The following PDE10A variants were observed in gnomAD, a reference collection of about 807,000 sequenced individuals.
PDE10A encodes the protein phosphodiesterase 10A.
A neutral mutation model predicts 97.7 loss-of-function variants in PDE10A; 39 were observed. The observed-to-expected ratio is 0.40, with a 90% CI of 0.31 to 0.52. The LOEUF (loss-of-function observed/expected upper bound fraction) is 0.52. PDE10A is among the 20% of genes least tolerant of loss of function. The pLI, the probability that PDE10A is intolerant of heterozygous loss-of-function variation, is 0.56. For missense variants in PDE10A, 731 were observed against 1,047.8 expected (o/e 0.70, Z 4.17); for synonymous variants, 371 against 376.8 (o/e 0.98, Z 0.18).
rs549099723 is a variant in PDE10A, at chr6:165,408,302, G to C, written c.2076+5199C>G. Among the ~76,000 whole-genome samples, 6 of 152,184 alleles carry C rather than the reference G, an allele frequency of 3.9e-5. No individual in the cohort carries two copies. The South Asian group carries it at 6.2e-4, about 16-fold the overall frequency. ...ACTAATGTATGTTCTCTAGAAAGTA[G>C]AACATTCAGGAAAAGGTAGGGAACC... On this transcript the variant is annotated intron_variant, in intron 13 of 21. Transcript: ENST00000539869.
chr6:165,959,513 C>A (rs1784295701), intron 1 of PDE10A, among the ~76,000 whole-genome samples: 1 of 152,226 alleles, frequency 6.6e-6, no homozygotes, highest in Non-Finnish European at 1.5e-5. Context: ...ATCAGAGATA[C>A]ATGATCATCT....
chr6:165,748,721 A>G (rs1189687269), intron 1 of PDE10A, among the ~76,000 whole-genome samples: 3 of 152,222 alleles, frequency 2.0e-5, no homozygotes, highest in African/African-American at 2.4e-5. Context: ...GCCTCACAGC[A>G]TAAAATCAGG....
chr6:165,585,050 C>T (rs1174535654), intron 1 of PDE10A, among the ~76,000 whole-genome samples: 2 of 152,098 alleles, frequency 1.3e-5, no homozygotes, highest in African/African-American at 4.8e-5. Context: ...TGCTCTTATC[C>T]CTTATCATCT....
At chr6:165,387,295 C>G (rs576639585) in intron 17 of PDE10A, among the ~76,000 whole-genome samples, 2 of 152,158 alleles carry the variant, frequency 1.3e-5, no homozygotes, top group Non-Finnish European at 2.9e-5. Context: ...TCATCATTTA[C>G]CTTCGTAGGC....
At chr6:165,822,660 T>C (rs2128469389) in intron 1 of PDE10A, among the ~76,000 whole-genome samples, 1 of 151,268 alleles carries the variant, frequency 6.6e-6, no homozygotes, top group East Asian at 1.9e-4. Context: ...TTATCACGAA[T>C]GGAGCAAGTT....
At chr6:165,507,464 C>A (rs148992652) in intron 2 of PDE10A, among the ~76,000 whole-genome samples, 3 of 152,166 alleles carry the variant, frequency 2.0e-5, no homozygotes, top group Non-Finnish European at 2.9e-5. Context: ...CTTCATGAGA[C>A]TCCTACTATC....
In PDE10A at chr6:165,418,877, A is replaced by G. The variant is rs1788500059; in HGVS notation, c.1654-100T>C. On this transcript the variant is annotated intron_variant, in intron 10 of 21. Transcript: ENST00000539869. This position sits in a 1 kb window ranked among gnomAD's most constrained non-coding sequence, Gnocchi z 4.8. The stretch of plus-strand genomic sequence containing the variant: ...TAAGTATTAATTTCAGCTGTCCTAT[A>G]CTCTAATTGGTTGGTATTAGCATTA... 3 of 868,604 alleles carry G rather than the reference A, an allele frequency of 3.5e-6. No homozygotes were observed. Among genetic ancestry groups the G allele is most frequent in the Non-Finnish European group, 5.4e-6 (3 of 550,768 alleles). 53.8% of individuals were successfully genotyped at this position (868,604 alleles called of 1,614,324 possible). A position where few individuals can be genotyped will look rare whatever the true frequency, so the allele number is the denominator to read the frequency against.
chr6:165,413,405 A>T, intron 13 of PDE10A, 96 bp downstream of exon 13: 1 of 698,956 alleles, frequency 1.4e-6, no homozygotes, highest in Non-Finnish European at 2.2e-6. Context: ...TAAAGGAAAT[A>T]TAAATGAAAA....
chr6:165,589,781 C>T (rs1200398006), intron 1 of PDE10A, among the ~76,000 whole-genome samples: 1 of 152,096 alleles, frequency 6.6e-6, no homozygotes, highest in Non-Finnish European at 1.5e-5. Flanking sequence ...AATAACTTAT[C>T]TGCATATGGT....
chr6:165,555,071 A>C (rs2128332928), intron 1 of PDE10A, among the ~76,000 whole-genome samples: 1 of 152,326 alleles, frequency 6.6e-6, no homozygotes, highest in South Asian at 2.1e-4. Context: ...ATGGGCACCA[A>C]AAAAATGAAC....
chr6:165,897,943 C>T (rs1237623452), intron 1 of PDE10A, among the ~76,000 whole-genome samples: 1 of 152,004 alleles, frequency 6.6e-6, no homozygotes, highest in Non-Finnish European at 1.5e-5. Flanking sequence ...GGAGTAGAAC[C>T]TGCGGGCTCT....
At chr6:165,426,322 G>A (rs1250961704) in intron 10 of PDE10A, among the ~76,000 whole-genome samples, 1 of 152,104 alleles carries the variant, frequency 6.6e-6, no homozygotes, top group Non-Finnish European at 1.5e-5. Flanking sequence ...AAGTGTACTG[G>A]CATTACCACA....
intron 1 of PDE10A, among the ~76,000 whole-genome samples, chr6:165,838,093 A>G (rs1780117791): frequency 1.3e-5 from 2 of 152,216 alleles, no homozygotes; most frequent in South Asian, 4.1e-4. Context: ...CGAGCAAATG[A>G]TGTAAACCTA....
chr6:165,983,437 A>G (rs892649570), intron 1 of PDE10A, among the ~76,000 whole-genome samples: 4 of 152,112 alleles, frequency 2.6e-5, no homozygotes, highest in African/African-American at 7.2e-5. Context: ...GGTGAACAGG[A>G]CCGAAGGGCT....
intron 1 of PDE10A, among the ~76,000 whole-genome samples, chr6:165,978,580 T>G (rs762890191): frequency 3.3e-5 from 5 of 152,220 alleles, no homozygotes; most frequent in Non-Finnish European, 7.3e-5. Context: ...AGAAGCATCA[T>G]ATGAATCCAA....
At chr6:165,894,487 T>C (rs1244598016) in intron 1 of PDE10A, 2 of 455,920 alleles carry the variant, frequency 4.4e-6, no homozygotes, top group African/African-American at 4.0e-5. Flanking sequence ...AAAACCTAGA[T>C]TTATAGCCCT....
intron 1 of PDE10A, among the ~76,000 whole-genome samples, chr6:165,620,265 G>C (rs1024533947): frequency 2.0e-5 from 3 of 152,128 alleles, no homozygotes; most frequent in African/African-American, 7.2e-5. Context: ...GTTTTCTTTT[G>C]TGTCTCTCTC....
At chr6:165,370,283 C>A in intron 18 of PDE10A, among the ~76,000 whole-genome samples, 1 of 146,668 alleles carries the variant, frequency 6.8e-6, no homozygotes, top group African/African-American at 2.5e-5. Flanking sequence ...CACAGACTGG[C>A]AAATTGGATA....
At chr6:165,873,291 C>A (rs530778660) in intron 1 of PDE10A, among the ~76,000 whole-genome samples, 1 of 152,156 alleles carries the variant, frequency 6.6e-6, no homozygotes, top group South Asian at 2.1e-4. Flanking sequence ...TCAACATATC[C>A]AAAAACAAAA....
Sources: allele counts gnomAD v4.1 joint callset (sites outside exome capture counted in the v4.1 genomes callset), GRCh38; gene constraint gnomAD v4.1.1; non-coding constraint Gnocchi (gnomAD v3.1); transcripts MANE v1.5; gene names NCBI Gene and HGNC (gene_info 2026-07-23, HGNC 2026-07-21).